Variants in PHF2 observed in about 807,000 individuals in gnomAD.
PHF2 encodes PHD finger protein 2.
A neutral mutation model predicts 120.5 loss-of-function variants in PHF2; 27 were observed. The ratio of observed to expected loss-of-function variants is 0.22; its 90% CI spans 0.17 to 0.31. The LOEUF is 0.31. Ranked by LOEUF, PHF2 falls within the 10% of genes least tolerant of loss-of-function variation. The pLI, the probability that PHF2 is intolerant of heterozygous loss-of-function variation, is 1.00. For synonymous variants in PHF2, 568 were observed against 592.5 expected, an observed-to-expected ratio of 0.96 and a Z score of 0.60; for missense variants, 1,024 against 1,434.8, an observed-to-expected ratio of 0.71 and a Z score of 4.63.
intron 16 of PHF2, among the ~76,000 whole-genome samples, chr9:93,666,453 A>T (rs116700237): frequency 0.016 from 2,370 of 152,286 alleles, 63 homozygotes; most frequent in African/African-American, 0.053. Flanking sequence ...GGTTCCTTTG[A>T]ACCAGAGTTC....
At chr9:93,606,179 A>G (rs2131621726) in intron 1 of PHF2, among the ~76,000 whole-genome samples, 1 of 152,216 alleles carries the variant, frequency 6.6e-6, no homozygotes, top group South Asian at 2.1e-4. Context: ...CACATTGCCC[A>G]GGCTGGTCTT....
rs1406622071 is a variant in PHF2 at position 93,649,256 on chromosome 9, A to AG, written c.602+48dup. ...GGGGTGTGGGGGCTGGGGTTGGGGC[A>AG]GGGGCGCTGTGCCGTCCTTGGTAGT... On this transcript the variant is annotated intron_variant, in intron 5 of 21. Coordinates refer to ENST00000359246, the MANE Select transcript of PHF2 (RefSeq NM_005392.4). 4 of 1,403,352 alleles carry AG rather than the reference A, an allele frequency of 2.9e-6. No individual in the cohort carries two copies. The Admixed American group carries it at 8.2e-5, about 29-fold the overall frequency. The allele number at this position is 1,403,352 out of a possible 1,614,324, so 86.9% of individuals were successfully genotyped here. A position where few individuals can be genotyped will look rare whatever the true frequency, so the allele number is the denominator to read the frequency against.
chr9:93,606,201 C>T (rs1825540090), intron 1 of PHF2, among the ~76,000 whole-genome samples: 1 of 152,136 alleles, frequency 6.6e-6, no homozygotes, highest in Non-Finnish European at 1.5e-5. Context: ...AACTCCTGAG[C>T]TCAAGCAATC....
intron 1 of PHF2, among the ~76,000 whole-genome samples, chr9:93,598,029 A>G (rs1195016895): frequency 6.6e-6 from 1 of 152,156 alleles, no homozygotes. Flanking sequence ...GCTGGCCATC[A>G]GTGGGCTTTA....
At chr9:93,592,809 C>G (rs921379417) in intron 1 of PHF2, among the ~76,000 whole-genome samples, 1 of 152,104 alleles carries the variant, frequency 6.6e-6, no homozygotes, top group South Asian at 2.1e-4. Flanking sequence ...AGCACCAGTA[C>G]GTGGCCTTGC....
chr9:93,675,859 C>G lies in PHF2; in HGVS notation c.2832+70C>G. 3.4e-6 allele frequency: 4 copies of G among 1,170,432 alleles called. No homozygotes were observed. The South Asian group carries it at 5.1e-5, about 15-fold the overall frequency. The allele number at this position is 1,170,432 out of a possible 1,614,324, so 72.5% of individuals were successfully genotyped here. A position where few individuals can be genotyped will look rare whatever the true frequency, so the allele number is the denominator to read the frequency against. On this transcript the variant is annotated intron_variant, in intron 20 of 21. Coordinates refer to ENST00000359246, the MANE Select transcript of PHF2 (RefSeq NM_005392.4). ...CCCCCACCTGGTGGGCTCAGGTTCCCCAAGGCACCTGTTTCTCCACCCCAT... is the reference window on the plus strand; with the variant it reads ...CCCCCACCTGGTGGGCTCAGGTTCCGCAAGGCACCTGTTTCTCCACCCCAT...
rs777477117 is a variant in PHF2 at position 93,673,683 on chromosome 9, G to T, written c.2447G>T (p.Gly816Val). Residue 816 changes from glycine (G) to valine (V), a missense_variant, in exon 18 of 22, where the codon GGA becomes GTA. Transcript: ENST00000359246. The stretch of plus-strand genomic sequence containing the variant: ...GACTCCTGCCTGCAGACCACGTGGG[G>T]AGCTGGCCAGGCCAAGGGGAGCTCG... ...ASDSCLQTTW[G>V]AGQAKGSSLA... 11 of 1,612,938 alleles carry T rather than the reference G, an allele frequency of 6.8e-6. No homozygotes were observed. In the African/African-American group the frequency reaches 1.2e-4, roughly 18 times the overall value.
intron 1 of PHF2, among the ~76,000 whole-genome samples, chr9:93,602,867 A>G (rs1298472060): frequency 5.9e-5 from 9 of 152,176 alleles, no homozygotes; most frequent in Admixed American, 5.2e-4. Context: ...GCCTAGCCTC[A>G]GGGCAGACTG....
intron 1 of PHF2, among the ~76,000 whole-genome samples, chr9:93,580,268 G>A (rs1862908454): frequency 6.6e-6 from 1 of 152,248 alleles, no homozygotes; most frequent in Admixed American, 6.5e-5. Flanking sequence ...TGGGAGGGAT[G>A]GATTTTTGTG....
intron 3 of PHF2, among the ~76,000 whole-genome samples, chr9:93,643,105 G>T (rs576679939): frequency 6.6e-6 from 1 of 151,982 alleles, no homozygotes; most frequent in Non-Finnish European, 1.5e-5. Context: ...GACCCTCTTG[G>T]TGGTTCACCT....
chr9:93,587,765 T>C (rs1863083780), intron 1 of PHF2, among the ~76,000 whole-genome samples: 1 of 152,078 alleles, frequency 6.6e-6, no homozygotes, highest in South Asian at 2.1e-4. Flanking sequence ...GGGACAGTGT[T>C]GTTATGTGAC....
chr9:93,674,828 G>A lies in PHF2; in HGVS notation c.2627-99G>A, dbSNP rs1270202122. ...AGGCCTTAGTGTAGGCCCTGGGGTT[G>A]CTGGCGAGGAAGGTCTGCAGCCACC... is the stretch of plus-strand genomic sequence containing the variant. On this transcript the variant is annotated intron_variant, in intron 18 of 21. Coordinates refer to ENST00000359246, the MANE Select transcript of PHF2 (RefSeq NM_005392.4). 5.1e-6 allele frequency: 4 copies of A among 783,948 alleles called. No individual in the cohort carries two copies. The East Asian group carries it at 9.9e-5, about 19-fold the overall frequency. The allele number at this position is 783,948 out of a possible 1,614,324, so 48.6% of individuals were successfully genotyped here. A position where few individuals can be genotyped will look rare whatever the true frequency, so the allele number is the denominator to read the frequency against.
At chr9:93,576,975 C>CGGGCCG (rs1328339732) in intron 1 of PHF2, 104 bp downstream of exon 1, 1 of 334,312 alleles carries the variant, frequency 3.0e-6, no homozygotes, top group African/African-American at 2.3e-5. Flanking sequence ...GGCTCGGGGA[C>CGGGCCG]GGGCCGCCGC....
chr9:93,656,629 G>C lies in PHF2; in HGVS notation c.1147+34G>C. On this transcript the variant is annotated intron_variant, in intron 9 of 21. Coordinates refer to ENST00000359246, the MANE Select transcript of PHF2 (RefSeq NM_005392.4). This position sits in a 1 kb window ranked among gnomAD's most constrained non-coding sequence, Gnocchi z 4.1. ...CACTCCGGGGTGGGCGTCCAAGCCT[G>C]GGGCTCTTGGCTGTGGGGGCAGCCA... is the stretch of plus-strand genomic sequence containing the variant. 6.7e-7 allele frequency: 1 copy of C among 1,482,836 alleles called. No homozygotes were observed. Among genetic ancestry groups the C allele is most frequent in the Non-Finnish European group, 9.4e-7 (1 of 1,063,234 alleles). The allele number at this position is 1,482,836 out of a possible 1,614,324, so 91.9% of individuals were successfully genotyped here.
chr9:93,663,116 G>A (rs1482501827), intron 13 of PHF2, 90 bp downstream of exon 13: 4 of 1,541,460 alleles, frequency 2.6e-6, no homozygotes, highest in Admixed American at 3.6e-5. Context: ...TGTGTGTGAA[G>A]GAATGTGCAG....
intron 2 of PHF2, among the ~76,000 whole-genome samples, chr9:93,630,634 G>A (rs1032642148): frequency 1.2e-4 from 19 of 152,262 alleles, no homozygotes; most frequent in Non-Finnish European, 1.5e-4. Context: ...GCCCTTTCAG[G>A]TGTGCTGGGT....
intron 1 of PHF2, among the ~76,000 whole-genome samples, chr9:93,590,284 C>T (rs1234677857): frequency 6.6e-6 from 1 of 152,176 alleles, no homozygotes; most frequent in Non-Finnish European, 1.5e-5. Context: ...TCCTTTCCTC[C>T]CTAGAGTTGT....
chr9:93,656,540 C>T lies in PHF2; in HGVS notation c.1092C>T (p.Pro364=). 1 of 1,613,864 alleles carries T rather than the reference C, an allele frequency of 6.2e-7. No homozygotes were observed. Among genetic ancestry groups the T allele is most frequent in the Non-Finnish European group, 8.5e-7 (1 of 1,179,930 alleles). ...RLKLGSLTQF[P]NFETACWYMG... ...AACTGGGCAGCCTGACTCAGTTTCC[C>T]AACTTTGAAACTGCGTGCTGGTACA... The change falls in exon 9 of 22, where the codon CCC becomes CCT. Residue 364 remains proline, a synonymous_variant. Coordinates refer to ENST00000359246, the MANE Select transcript of PHF2 (RefSeq NM_005392.4). This position sits in a 1 kb window ranked among gnomAD's most constrained non-coding sequence, Gnocchi z 4.1.
rs370553589 is a variant in PHF2 at position 93,675,660 on chromosome 9, C to T, written c.2723-20C>T. ...GGCTGTGGCCTACAGCTTGAGGGGGCTGGCCCTTCTTTTCCACAGCAAGGG... is the reference window on the plus strand; with the variant it reads ...GGCTGTGGCCTACAGCTTGAGGGGGTTGGCCCTTCTTTTCCACAGCAAGGG... On this transcript the variant is annotated intron_variant, in intron 19 of 21. Transcript: ENST00000359246. 5.5e-5 allele frequency: 88 copies of T among 1,593,978 alleles called. No homozygotes were observed. The highest frequency in any genetic ancestry group is 7.3e-5 in the Non-Finnish European group (85 of 1,164,142).
Sources: gnomAD v4.1 joint callset for allele counts (sites outside exome capture counted in the v4.1 genomes callset) on GRCh38, gnomAD v4.1.1 for gene constraint, Gnocchi (gnomAD v3.1) non-coding constraint, MANE v1.5 for transcripts, NCBI Gene and HGNC (gene_info 2026-07-23, HGNC 2026-07-21) for gene names.